Variants in KCMF1 observed in about 807,000 individuals in gnomAD.
KCMF1 encodes potassium channel modulatory factor 1.
In KCMF1, 3 loss-of-function variants were observed where a neutral mutation model predicts 41.1. The ratio of observed to expected loss-of-function variants is 0.07; its 90% CI spans 0.03 to 0.19. The LOEUF is 0.19. Ranked by LOEUF, KCMF1 falls within the 10% of genes least tolerant of loss-of-function variation. The probability of loss-of-function intolerance (pLI) is 1.00; values close to 1 mark genes in which losing one functional copy is unlikely to be tolerated. For missense variants in KCMF1, 286 were observed against 488.9 expected, an observed-to-expected ratio of 0.58 and a Z score of 3.91; for synonymous variants, 142 against 164.5, an observed-to-expected ratio of 0.86 and a Z score of 1.04.
Position 85,057,687 on chromosome 2 carries a change from T to A in KCMF1, c.*4278T>A, listed in dbSNP as rs559384267. 6.6e-6 allele frequency: 1 copy of A among 152,372 alleles called. No homozygotes were observed. Among genetic ancestry groups the A allele is most frequent in the African/African-American group, 2.4e-5 (1 of 41,578 alleles). The allele number at this position is 152,372 out of a possible 1,614,324, so 9.4% of individuals were successfully genotyped here. On this transcript the variant is annotated 3_prime_UTR_variant, in exon 7 of 7. Transcript: ENST00000409785. ...CTCTTGCCTCTTGGTTTCTGTAGTT[T>A]TTCAACCCATTTCTGTCAGTGTTCT... is the stretch of plus-strand genomic sequence containing the variant.
intron 1 of KCMF1, among the ~76,000 whole-genome samples, chr2:85,000,549 C>G (rs988624445): frequency 1.3e-5 from 2 of 152,094 alleles, no homozygotes; most frequent in African/African-American, 4.8e-5. Flanking sequence ...AGTTATAGCT[C>G]CGAAAGCAGT....
intron 1 of KCMF1, among the ~76,000 whole-genome samples, chr2:85,021,455 C>G (rs923858604): frequency 6.6e-6 from 1 of 152,084 alleles, no homozygotes; most frequent in Non-Finnish European, 1.5e-5. Flanking sequence ...AACCCTGTCT[C>G]TACTAAAAGT....
chr2:85,035,540 A>C, intron 3 of KCMF1, among the ~76,000 whole-genome samples: 1 of 152,060 alleles, frequency 6.6e-6, no homozygotes, highest in East Asian at 1.9e-4. Context: ...AAATTTAAAA[A>C]CCTTTGGTAG....
chr2:85,044,626 C>T (rs1336142048), intron 4 of KCMF1, among the ~76,000 whole-genome samples: 1 of 152,122 alleles, frequency 6.6e-6, no homozygotes, highest in Non-Finnish European at 1.5e-5. Context: ...CTCCTGACTG[C>T]CTGCCTCAGC....
intron 1 of KCMF1, among the ~76,000 whole-genome samples, chr2:85,013,143 G>C (rs1004911489): frequency 6.6e-6 from 1 of 152,060 alleles, no homozygotes; most frequent in East Asian, 1.9e-4. Flanking sequence ...CTATCCCTTA[G>C]TCTTCATACT....
In KCMF1 at chr2:85,056,502, T is replaced by G. The variant is rs181888085; in HGVS notation, c.*3093T>G. The G allele has an allele frequency of 3.5e-4, 54 of 152,296 alleles. No individual in the cohort carries two copies. Among genetic ancestry groups the G allele is most frequent in the African/African-American group, 1.3e-3 (53 of 41,546 alleles). The allele number at this position is 152,296 out of a possible 1,614,324, so 9.4% of individuals were successfully genotyped here. On this transcript the variant is annotated 3_prime_UTR_variant, in exon 7 of 7. Coordinates refer to ENST00000409785, the MANE Select transcript of KCMF1 (RefSeq NM_020122.5). ...GCTCCTCACTGCAAATATTAACGCT[T>G]TATATATTTACTCCATGGATGTTGG... is the stretch of plus-strand genomic sequence containing the variant.
chr2:85,004,055 C>T (rs1014954903), intron 1 of KCMF1, among the ~76,000 whole-genome samples: 17 of 152,110 alleles, frequency 1.1e-4, no homozygotes, highest in African/African-American at 3.6e-4. Context: ...AGCACAGATA[C>T]GCCAAGCAAA....
At chr2:85,029,713 C>T (rs1158034448) in intron 2 of KCMF1, among the ~76,000 whole-genome samples, 8 of 133,534 alleles carry the variant, frequency 6.0e-5, no homozygotes, top group Non-Finnish European at 1.1e-4. Context: ...AAGAGTTTCA[C>T]TCTTGTCGCC....
chr2:85,008,281 T>TATATAA (rs1558573332), intron 1 of KCMF1, among the ~76,000 whole-genome samples: 3 of 100,756 alleles, frequency 3.0e-5, no homozygotes, highest in African/African-American at 1.1e-4. Flanking sequence ...ATATATAATA[T>TATATAA]GATATATAAT....
At chr2:85,017,228 TTGTTAGCCAGGA>T (rs1201480161) in intron 1 of KCMF1, among the ~76,000 whole-genome samples, 3 of 151,564 alleles carry the variant, frequency 2.0e-5, no homozygotes, top group Non-Finnish European at 4.4e-5. Context: ...GGGTTTCACC[TTGTTAGCCAGGA>T]TGGTCTCGAT....
intron 1 of KCMF1, among the ~76,000 whole-genome samples, chr2:84,986,234 T>A (rs924464899): frequency 6.6e-6 from 1 of 152,156 alleles, no homozygotes; most frequent in Non-Finnish European, 1.5e-5. Context: ...ACTGAAGCAA[T>A]AAGGTCTAAG....
intron 1 of KCMF1, among the ~76,000 whole-genome samples, chr2:84,996,430 A>ATTTTTTTTTTTTTTTTTTTTTTTTTT (rs869089697): frequency 8.1e-6 from 1 of 124,062 alleles, no homozygotes; most frequent in African/African-American, 3.3e-5. Flanking sequence ...ATAACCTAAG[A>ATTTTTTTTTTTTTTTTTTTTTTTTTT]TTTTTTTTTT....
At chr2:84,993,645 G>T (rs74394764) in intron 1 of KCMF1, among the ~76,000 whole-genome samples, 1 of 151,010 alleles carries the variant, frequency 6.6e-6, no homozygotes, top group African/African-American at 2.4e-5. Flanking sequence ...GTGCAGTCTC[G>T]GCTCACTGCA....
chr2:84,982,798 G>A (rs969018973), intron 1 of KCMF1, among the ~76,000 whole-genome samples: 5 of 152,186 alleles, frequency 3.3e-5, no homozygotes, highest in African/African-American at 1.2e-4. Flanking sequence ...TTGATGTTCA[G>A]TCTGACACTG....
At chr2:85,007,478 T>A (rs1674500990) in intron 1 of KCMF1, among the ~76,000 whole-genome samples, 1 of 152,188 alleles carries the variant, frequency 6.6e-6, no homozygotes, top group Non-Finnish European at 1.5e-5. Flanking sequence ...CAGCTTGGAT[T>A]TCCAGCACAG....
chr2:84,979,909 G>A (rs1159085162), intron 1 of KCMF1, among the ~76,000 whole-genome samples: 1 of 151,504 alleles, frequency 6.6e-6, no homozygotes, highest in Non-Finnish European at 1.5e-5. Flanking sequence ...CGCAACCTCT[G>A]CCTCCCGGGT....
chr2:84,998,681 C>A (rs1229613143), intron 1 of KCMF1, among the ~76,000 whole-genome samples: 1 of 150,720 alleles, frequency 6.6e-6, no homozygotes, highest in African/African-American at 2.4e-5. Context: ...CGGTTCACTG[C>A]AACCTCTGCC....
intron 1 of KCMF1, among the ~76,000 whole-genome samples, chr2:84,977,892 C>G (rs1673590343): frequency 1.3e-5 from 2 of 151,876 alleles, no homozygotes; most frequent in Non-Finnish European, 2.9e-5. Flanking sequence ...TTTTTATATT[C>G]ATGTTTAAGT....
chr2:85,029,252 C>T (rs1408510487), intron 2 of KCMF1, among the ~76,000 whole-genome samples: 12 of 152,116 alleles, frequency 7.9e-5, no homozygotes, highest in African/African-American at 2.9e-4. Context: ...ACGTGAGCCA[C>T]CATGCCCAGC....
Sources: allele counts gnomAD v4.1 joint callset (sites outside exome capture counted in the v4.1 genomes callset), GRCh38; gene constraint gnomAD v4.1.1; transcripts MANE v1.5; gene names NCBI Gene and HGNC (gene_info 2026-07-23, HGNC 2026-07-21).